Variants in ARHGEF37 observed in about 807,000 individuals in gnomAD.
ARHGEF37 encodes Rho guanine nucleotide exchange factor 37.
Under a neutral mutation model 71.1 loss-of-function variants are expected in ARHGEF37, and 55 were observed. The ratio of observed to expected loss-of-function variants is 0.77; its 90% CI spans 0.62 to 0.97. The LOEUF (loss-of-function observed/expected upper bound fraction) is 0.97. Ranked by LOEUF, ARHGEF37 falls within the 50% of genes least tolerant of loss-of-function variation. The probability of loss-of-function intolerance (pLI) is 0.00; values close to 1 mark genes in which losing one functional copy is unlikely to be tolerated. For synonymous variants in ARHGEF37, 327 were observed against 350.6 expected (o/e 0.93, Z 0.75); for missense variants, 765 against 836.8 (o/e 0.91, Z 1.06).
At chr5:149,618,452 GC>G in intron 6 of ARHGEF37, 146 bp downstream of exon 6, 1 of 1,292,180 alleles carries the variant, frequency 7.7e-7, no homozygotes, top group South Asian at 1.5e-5. Context: ...GGCAGAGGTG[GC>G]ACCCCACTTG....
chr5:149,567,914 C>T (rs1762916039), intron 1 of ARHGEF37, among the ~76,000 whole-genome samples: 1 of 152,120 alleles, frequency 6.6e-6, no homozygotes, highest in African/African-American at 2.4e-5. Flanking sequence ...GTGTTTATCT[C>T]TATTGGTTTG....
intron 3 of ARHGEF37, among the ~76,000 whole-genome samples, chr5:149,606,461 G>A (rs1470030809): frequency 6.6e-6 from 1 of 152,210 alleles, no homozygotes; most frequent in African/African-American, 2.4e-5. Context: ...CACAGACCTT[G>A]TCTGGGTCAC....
intron 5 of ARHGEF37, among the ~76,000 whole-genome samples, chr5:149,617,129 T>A (rs759626265): frequency 6.2e-4 from 94 of 152,118 alleles, no homozygotes; most frequent in Non-Finnish European, 1.1e-3. Flanking sequence ...CCCACCTGGG[T>A]CATGTGCTTA....
intron 1 of ARHGEF37, among the ~76,000 whole-genome samples, chr5:149,587,034 C>A (rs1279002780): frequency 6.6e-6 from 1 of 152,142 alleles, no homozygotes; most frequent in Non-Finnish European, 1.5e-5. Context: ...GGCTAATGAA[C>A]TATTTGTTGT....
intron 1 of ARHGEF37, among the ~76,000 whole-genome samples, chr5:149,573,643 A>T (rs1447935621): frequency 1.3e-5 from 2 of 152,162 alleles, no homozygotes; most frequent in Admixed American, 6.5e-5. Flanking sequence ...TCACTAGAAC[A>T]TTAGCTCAAT....
intron 12 of ARHGEF37, among the ~76,000 whole-genome samples, chr5:149,631,167 CCTTT>C (rs72166213): frequency 0.1 from 15,217 of 147,854 alleles, 836 homozygotes; most frequent in African/African-American, 0.15. Flanking sequence ...TTCCTTCCTT[CCTTT>C]CTTTTTTTCT....
At chr5:149,621,445 A>G (rs1353296069) in intron 8 of ARHGEF37, among the ~76,000 whole-genome samples, 2 of 152,132 alleles carry the variant, frequency 1.3e-5, no homozygotes, top group Non-Finnish European at 2.9e-5. Context: ...CTCAAAAAAA[A>G]AAACAAAAAA....
chr5:149,584,228 T>C (rs1376699437), intron 1 of ARHGEF37, among the ~76,000 whole-genome samples: 2 of 152,222 alleles, frequency 1.3e-5, no homozygotes, highest in East Asian at 1.9e-4. Context: ...CTTCCTCTTT[T>C]GGAAGACCTT....
Position 149,633,269 on chromosome 5 carries a change from T to C in ARHGEF37, c.*1078T>C, listed in dbSNP as rs528350827. ...TGTAAACTGTGAAGTGTGATACAAATGTAAATGACAGCAGTGATCTCGGGG... is the reference window on the plus strand; with the variant it reads ...TGTAAACTGTGAAGTGTGATACAAACGTAAATGACAGCAGTGATCTCGGGG... On this transcript the variant is annotated 3_prime_UTR_variant, in exon 13 of 13. Transcript: ENST00000333677. 2.2e-4 allele frequency: 33 copies of C among 152,384 alleles called. No homozygotes were observed. The highest frequency in any genetic ancestry group is 7.9e-4 in the African/African-American group (33 of 41,568). The allele number at this position is 152,384 out of a possible 1,614,324, so 9.4% of individuals were successfully genotyped here.
At chr5:149,626,970 G>C (rs1752705619) in intron 10 of ARHGEF37, 106 bp from the exon 11 acceptor site, 1 of 1,237,132 alleles carries the variant, frequency 8.1e-7, no homozygotes. Context: ...GGCAGAGTTA[G>C]GATCAGGCCC....
upstream of ARHGEF37, among the ~76,000 whole-genome samples, chr5:149,578,166 T>C (rs544570372): frequency 6.6e-6 from 1 of 152,342 alleles, no homozygotes; most frequent in South Asian, 2.1e-4. Flanking sequence ...TACTGATTCT[T>C]TGAGCTCCCA....
At chr5:149,629,626 G>T (rs1205128098) in intron 12 of ARHGEF37, among the ~76,000 whole-genome samples, 1 of 152,228 alleles carries the variant, frequency 6.6e-6, no homozygotes, top group Non-Finnish European at 1.5e-5. Flanking sequence ...AAAGGGGACA[G>T]ACTGGAGTGT....
At chr5:149,563,407 GC>G (rs1333961158) in intron 1 of ARHGEF37, among the ~76,000 whole-genome samples, 1 of 152,054 alleles carries the variant, frequency 6.6e-6, no homozygotes, top group Non-Finnish European at 1.5e-5. Context: ...TTACCTTCTA[GC>G]CCCCTCTAAC....
chr5:149,555,849 T>C (rs1441867151), intron 1 of ARHGEF37, among the ~76,000 whole-genome samples: 1 of 151,924 alleles, frequency 6.6e-6, no homozygotes, highest in Non-Finnish European at 1.5e-5. Flanking sequence ...CTTGGCTGGG[T>C]GTGATGGCTC....
chr5:149,594,207 A>G (rs1763484414), intron 1 of ARHGEF37, among the ~76,000 whole-genome samples: 1 of 152,232 alleles, frequency 6.6e-6, no homozygotes, highest in Admixed American at 6.5e-5. Flanking sequence ...ACCTAAGTGC[A>G]AATTAATGCT....
chr5:149,573,127 G>T (rs1440582484), intron 1 of ARHGEF37, among the ~76,000 whole-genome samples: 1 of 152,030 alleles, frequency 6.6e-6, no homozygotes, highest in African/African-American at 2.4e-5. Context: ...ATCCATTCCT[G>T]CAAGAACTAA....
At chr5:149,616,895 C>A in intron 5 of ARHGEF37, 129 bp downstream of exon 5, 1 of 989,696 alleles carries the variant, frequency 1.0e-6, no homozygotes, top group Non-Finnish European at 1.5e-6. Context: ...AGAGGTAATG[C>A]AAGCTTTAGG....
intron 1 of ARHGEF37, among the ~76,000 whole-genome samples, chr5:149,563,731 A>G (rs1762864610): frequency 6.6e-6 from 1 of 152,186 alleles, no homozygotes; most frequent in Non-Finnish European, 1.5e-5. Context: ...AAGTGTAACA[A>G]CTATGACACG....
upstream of ARHGEF37, among the ~76,000 whole-genome samples, chr5:149,578,950 A>C (rs1394795625): frequency 2.0e-5 from 3 of 152,330 alleles, 1 homozygote; most frequent in Admixed American, 2.0e-4. Context: ...ACTCAAAATA[A>C]CTGAGTCCTA....
Sources: gnomAD v4.1 joint callset for allele counts (sites outside exome capture counted in the v4.1 genomes callset) on GRCh38, gnomAD v4.1.1 for gene constraint, MANE v1.5 for transcripts, NCBI Gene and HGNC (gene_info 2026-07-23, HGNC 2026-07-21) for gene names.